The following ITGBL1 variants were observed in gnomAD, a reference collection of about 807,000 sequenced individuals.
ITGBL1 encodes the protein integrin beta-like protein 1.
ITGBL1 carries 51 observed loss-of-function variants against 68.5 expected under a neutral mutation model. The ratio of observed to expected loss-of-function variants is 0.74; its 90% CI spans 0.59 to 0.94. The LOEUF (loss-of-function observed/expected upper bound fraction) is 0.94. Ranked by LOEUF, ITGBL1 falls within the 40% of genes least tolerant of loss-of-function variation. The pLI, the probability that ITGBL1 is intolerant of heterozygous loss-of-function variation, is 0.00. For missense variants in ITGBL1, 649 were observed against 647.4 expected (o/e 1.00, Z -0.03); for synonymous variants, 209 against 227.3 (o/e 0.92, Z 0.72).
chr13:101,580,996 G>A (rs566892368), intron 5 of ITGBL1, among the ~76,000 whole-genome samples: 1 of 151,170 alleles, frequency 6.6e-6, no homozygotes, highest in Admixed American at 6.6e-5. Context: ...GCAGAAGTGG[G>A]CGCTGAGATG....
intron 3 of ITGBL1, among the ~76,000 whole-genome samples, chr13:101,570,968 T>A (rs1374309452): frequency 6.6e-6 from 1 of 152,174 alleles, no homozygotes; most frequent in Non-Finnish European, 1.5e-5. Context: ...TTGACACTAG[T>A]AAATATATGC....
chr13:101,566,712 G>A (rs941457155), intron 2 of ITGBL1, among the ~76,000 whole-genome samples: 2 of 152,178 alleles, frequency 1.3e-5, no homozygotes, highest in African/African-American at 4.8e-5. Context: ...ACTTCATGTG[G>A]CCTATGAATT....
chr13:101,585,544 C>T (rs1185716004), intron 6 of ITGBL1, among the ~76,000 whole-genome samples: 4 of 152,168 alleles, frequency 2.6e-5, no homozygotes, highest in African/African-American at 9.7e-5. Flanking sequence ...CATTCTCCTG[C>T]CTCAGCCTCC....
chr13:101,544,874 T>C (rs1031072533), intron 2 of ITGBL1, among the ~76,000 whole-genome samples: 3 of 152,234 alleles, frequency 2.0e-5, no homozygotes, highest in Non-Finnish European at 4.4e-5. Context: ...TATAATCTCC[T>C]GGTGTGCCGT....
At chr13:101,696,993 C>T (rs1030662617) in intron 8 of ITGBL1, among the ~76,000 whole-genome samples, 7 of 151,118 alleles carry the variant, frequency 4.6e-5, no homozygotes, top group African/African-American at 1.7e-4. Context: ...CAAAAGCACA[C>T]AGGTGAAAAG....
intron 2 of ITGBL1, among the ~76,000 whole-genome samples, chr13:101,481,890 T>G (rs896549523): frequency 1.1e-4 from 16 of 152,098 alleles, no homozygotes; most frequent in African/African-American, 3.9e-4. Context: ...TCAAGGTGAT[T>G]AGCGTATCCA....
At chr13:101,513,622 A>G (rs1234887607) in intron 2 of ITGBL1, among the ~76,000 whole-genome samples, 6 of 152,156 alleles carry the variant, frequency 3.9e-5, no homozygotes, top group Non-Finnish European at 7.4e-5. Context: ...AATCAAAATT[A>G]CTTATGGCTA....
At chr13:101,588,490 C>A (rs561700417) in intron 6 of ITGBL1, among the ~76,000 whole-genome samples, 1 of 152,122 alleles carries the variant, frequency 6.6e-6, no homozygotes, top group East Asian at 1.9e-4. Context: ...CTAAAACCTG[C>A]AGGCTTAACA....
intron 8 of ITGBL1, among the ~76,000 whole-genome samples, chr13:101,693,577 C>T (rs1361540493): frequency 6.6e-6 from 1 of 151,860 alleles, no homozygotes; most frequent in East Asian, 1.9e-4. Flanking sequence ...GAGTGTGTGT[C>T]TTAATGGAAG....
intron 2 of ITGBL1, among the ~76,000 whole-genome samples, chr13:101,518,194 AG>A (rs1473115505): frequency 6.6e-6 from 1 of 152,182 alleles, no homozygotes; most frequent in Non-Finnish European, 1.5e-5. Context: ...TTAAAGCAAA[AG>A]CTTGTAAATT....
chr13:101,643,559 T>C (rs2032460553), intron 7 of ITGBL1, among the ~76,000 whole-genome samples: 1 of 152,174 alleles, frequency 6.6e-6, no homozygotes, highest in Non-Finnish European at 1.5e-5. Flanking sequence ...TGCATTAGTA[T>C]GTTGGAATAA....
intron 7 of ITGBL1, among the ~76,000 whole-genome samples, chr13:101,662,031 A>G (rs2033101854): frequency 6.6e-6 from 1 of 152,180 alleles, no homozygotes; most frequent in South Asian, 2.1e-4. Context: ...TTTATGTGAC[A>G]TAGAGCTTAT....
At chr13:101,533,127 A>AT (rs549736037) in intron 2 of ITGBL1, among the ~76,000 whole-genome samples, 9 of 152,338 alleles carry the variant, frequency 5.9e-5, no homozygotes, top group Middle Eastern at 3.4e-3. Flanking sequence ...GTCAAATTTC[A>AT]AAATCATGGC....
chr13:101,547,934 T>TAC (rs1308046858), intron 2 of ITGBL1, among the ~76,000 whole-genome samples: 2 of 151,480 alleles, frequency 1.3e-5, no homozygotes, highest in South Asian at 2.1e-4. Context: ...TGTATATATA[T>TAC]ACACACATGT....
intron 7 of ITGBL1, among the ~76,000 whole-genome samples, chr13:101,639,981 C>A (rs1262611415): frequency 6.6e-6 from 1 of 152,154 alleles, no homozygotes; most frequent in Non-Finnish European, 1.5e-5. Flanking sequence ...GTTTTAAATA[C>A]AGCATGTGGA....
intron 2 of ITGBL1, among the ~76,000 whole-genome samples, chr13:101,565,988 A>G (rs1198962623): frequency 6.6e-6 from 1 of 151,990 alleles, no homozygotes; most frequent in African/African-American, 2.4e-5. Flanking sequence ...CCCACAAATT[A>G]TTTCCCATCT....
chr13:101,554,860 T>C (rs1206419156), intron 2 of ITGBL1, among the ~76,000 whole-genome samples: 1 of 152,200 alleles, frequency 6.6e-6, no homozygotes, highest in African/African-American at 2.4e-5. Flanking sequence ...TTCATTTAAA[T>C]AGTCATTAAT....
chr13:101,720,856 TCTG>T (rs1367395032), downstream of ITGBL1: 6 of 152,180 alleles, frequency 3.9e-5, no homozygotes, highest in African/African-American at 1.2e-4. Flanking sequence ...ACTCAAACGT[TCTG>T]CTAACTTTTT....
At chr13:101,709,954 G>C (rs761624906) in intron 9 of ITGBL1, among the ~76,000 whole-genome samples, 16 of 152,132 alleles carry the variant, frequency 1.1e-4, no homozygotes, top group Non-Finnish European at 1.5e-4. Flanking sequence ...CCCTAGGAAA[G>C]ATTCTCATCT....
Sources: gnomAD v4.1 joint callset for allele counts (sites outside exome capture counted in the v4.1 genomes callset) on GRCh38, gnomAD v4.1.1 for gene constraint, MANE v1.5 for transcripts, NCBI Gene and HGNC (gene_info 2026-07-23, HGNC 2026-07-21) for gene names.